UNC45B: variants seen among roughly 807,000 people sequenced by gnomAD.
UNC45B encodes protein unc-45 homolog B.
A neutral mutation model predicts 98.7 loss-of-function variants in UNC45B; 78 were observed. That is an observed-to-expected ratio of 0.79 (90% CI 0.66 to 0.95). The LOEUF (loss-of-function observed/expected upper bound fraction) is 0.95. Ranked by LOEUF, UNC45B falls within the 40% of genes least tolerant of loss-of-function variation. UNC45B has a pLI of 0.00. For missense variants in UNC45B, 1,225 were observed against 1,184.9 expected, an observed-to-expected ratio of 1.03 and a Z score of -0.50; for synonymous variants, 462 against 480.4, an observed-to-expected ratio of 0.96 and a Z score of 0.50.
intron 14 of UNC45B, among the ~76,000 whole-genome samples, chr17:35,175,060 G>GAAGAAAGA (rs55847819): frequency 0.013 from 1,422 of 110,122 alleles, 32 homozygotes; most frequent in African/African-American, 0.035. Flanking sequence ...AGAAAGGAAA[G>GAAGAAAGA]AAGAAAGAAA....
chr17:35,170,370 A>ACCAATCATGTTTAT, intron 12 of UNC45B, 115 bp downstream of exon 12: 1 of 1,259,242 alleles, frequency 7.9e-7, no homozygotes, highest in Non-Finnish European at 1.0e-6. Flanking sequence ...CCCCTGTATA[A>ACCAATCATGTTTAT]ACATGATTGG....
chr17:35,166,086 T>TAA (rs55844448), intron 9 of UNC45B, among the ~76,000 whole-genome samples: 723 of 58,094 alleles, frequency 0.012, 18 homozygotes, highest in East Asian at 0.12. Context: ...CCCTCATCTC[T>TAA]AAAAAAAAAA....
chr17:35,184,993 C>T (rs1326593339), intron 19 of UNC45B, among the ~76,000 whole-genome samples: 1 of 152,148 alleles, frequency 6.6e-6, no homozygotes, highest in Admixed American at 6.5e-5. Flanking sequence ...CTTTGACCTT[C>T]GGTGACTCAT....
intron 13 of UNC45B, among the ~76,000 whole-genome samples, chr17:35,173,324 C>T (rs559772042): frequency 6.6e-6 from 1 of 152,014 alleles, no homozygotes; most frequent in Non-Finnish European, 1.5e-5. Context: ...CGGGGTTTCG[C>T]CATGTTGCCC....
At chr17:35,166,086 T>TAAAAAAAAAAAAAAAAAAAA (rs55844448) in intron 9 of UNC45B, among the ~76,000 whole-genome samples, 66 of 58,108 alleles carry the variant, frequency 1.1e-3, no homozygotes, top group African/African-American at 4.3e-3. Context: ...CCCTCATCTC[T>TAAAAAAAAAAAAAAAAAAAA]AAAAAAAAAA....
chr17:35,165,039 T>G (rs970806890), intron 9 of UNC45B, among the ~76,000 whole-genome samples: 4 of 152,124 alleles, frequency 2.6e-5, no homozygotes, highest in African/African-American at 9.7e-5. Flanking sequence ...CACGCCTGGC[T>G]AATTTTTGTA....
At chr17:35,163,598 G>A (rs1427063796) in intron 8 of UNC45B, among the ~76,000 whole-genome samples, 2 of 152,146 alleles carry the variant, frequency 1.3e-5, no homozygotes, top group Admixed American at 6.5e-5. Flanking sequence ...ATCTCATTGA[G>A]CCCTCAAACT....
At chr17:35,180,781 G>A (rs1406652334) in intron 18 of UNC45B, 105 bp downstream of exon 18, 2 of 766,948 alleles carry the variant, frequency 2.6e-6, no homozygotes, top group Non-Finnish European at 4.3e-6. Context: ...ATGGCATTAA[G>A]GTAGCATTTT....
intron 17 of UNC45B, among the ~76,000 whole-genome samples, chr17:35,177,824 CCTTTT>C (rs886653781): frequency 1.3e-5 from 2 of 150,694 alleles, no homozygotes; most frequent in South Asian, 2.1e-4. Context: ...TTTTTTCTTT[CCTTTT>C]CTTTTCTTTT....
chr17:35,186,400 T>C lies in UNC45B; in HGVS notation c.2631T>C (p.Asp877=), dbSNP rs758159080. ...LVIAYNLLAA[D]AELAKKLVES... is the part of the protein sequence containing the mutation. ...TTGCCTACAACCTACTGGCAGCCGATGCTGAGCTGGCCAAGAAGCTGGTGG... is the reference window on the plus strand; with the variant it reads ...TTGCCTACAACCTACTGGCAGCCGACGCTGAGCTGGCCAAGAAGCTGGTGG... Residue 877 remains aspartate, a synonymous_variant, in exon 20 of 20, where the codon GAT becomes GAC. Coordinates refer to ENST00000394570, the MANE Select transcript of UNC45B (RefSeq NM_001267052.2). 5 of 1,614,186 alleles carry C rather than the reference T, an allele frequency of 3.1e-6. No homozygotes were observed. Among genetic ancestry groups the C allele is most frequent in the East Asian group, 2.2e-5 (1 of 44,882 alleles).
intron 4 of UNC45B, 28 bp downstream of exon 4, chr17:35,150,251 T>G (rs1044213398): frequency 6.3e-7 from 1 of 1,588,450 alleles, no homozygotes; most frequent in African/African-American, 1.3e-5. Context: ...CCACAACCCT[T>G]GGCTGCCCAG....
In UNC45B at chr17:35,186,643, T is replaced by A; in HGVS notation, c.*84T>A. On this transcript the variant is annotated 3_prime_UTR_variant, in exon 20 of 20. Transcript: ENST00000394570. ...TGGGTTCTCCTGAAGAGTCAGGTCA[T>A]CTAGGGATCATAGCAGTGACAATGA... The A allele has an allele frequency of 1.3e-6, 2 of 1,483,274 alleles. No homozygotes were observed. Among genetic ancestry groups the A allele is most frequent in the Non-Finnish European group, 1.8e-6 (2 of 1,085,286 alleles). 91.9% of individuals were successfully genotyped at this position (1,483,274 alleles called of 1,614,324 possible).
intron 9 of UNC45B, 126 bp from the exon 10 acceptor site, chr17:35,167,935 C>A: frequency 1.2e-6 from 1 of 866,502 alleles, no homozygotes; most frequent in Non-Finnish European, 1.6e-6. Flanking sequence ...CGCTGAATTG[C>A]CCAATATCAC....
Position 35,176,002 on chromosome 17 carries a change from C to A in UNC45B, c.1993C>A (p.Arg665=), listed in dbSNP as rs145332741. The change falls in exon 15 of 20, where the codon CGA becomes AGA. Residue 665 remains arginine, a synonymous_variant. Coordinates refer to ENST00000394570, the MANE Select transcript of UNC45B (RefSeq NM_001267052.2). ...FLALCDNPKD[R]GTIVAQGGGK... Reference sequence around the variant, plus strand: ...GGCACTGTGTGACAACCCAAAGGACCGAGGCACCATTGTGGCTCAAGGTGG... The same window carrying A: ...GGCACTGTGTGACAACCCAAAGGACAGAGGCACCATTGTGGCTCAAGGTGG... The A allele has an allele frequency of 1.3e-5, 21 of 1,614,088 alleles. No homozygotes were observed. Among genetic ancestry groups the A allele is most frequent in the Non-Finnish European group, 1.7e-5 (20 of 1,180,012 alleles).
In UNC45B at chr17:35,187,966, T is replaced by G. The variant is rs973870612; in HGVS notation, c.*1407T>G. 1 of 152,230 alleles carries G rather than the reference T, an allele frequency of 6.6e-6. No individual in the cohort carries two copies. Among genetic ancestry groups the G allele is most frequent in the Non-Finnish European group, 1.5e-5 (1 of 68,052 alleles). 9.4% of individuals were successfully genotyped at this position (152,230 alleles called of 1,614,324 possible). Reference sequence around the variant, plus strand: ...AAAAACAATTTACAACGTTCCGTTGTGTAATAAATGTAAGTGTACATATGC... The same window carrying G: ...AAAAACAATTTACAACGTTCCGTTGGGTAATAAATGTAAGTGTACATATGC... On this transcript the variant is annotated 3_prime_UTR_variant, in exon 20 of 20. Coordinates refer to ENST00000394570, the MANE Select transcript of UNC45B (RefSeq NM_001267052.2).
At chr17:35,177,190 C>A in intron 16 of UNC45B, 60 bp downstream of exon 16, 2 of 1,473,790 alleles carry the variant, frequency 1.4e-6, no homozygotes, top group South Asian at 2.3e-5. Flanking sequence ...TCCTAGAGGC[C>A]TTTCCCCTTG....
chr17:35,174,337 C>G lies in UNC45B; in HGVS notation c.1926C>G (p.Ile642Met), dbSNP rs781749893. Residue 642 changes from isoleucine (I) to methionine (M), a missense_variant, in exon 14 of 20, where the codon ATC becomes ATG. Ile to Met is a conservative substitution (Grantham distance 10, BLOSUM62 1). Coordinates refer to ENST00000394570, the MANE Select transcript of UNC45B (RefSeq NM_001267052.2). The part of the protein sequence containing the change: ...LACMVKADSA[I>M]LTDQTKELLA... ...GCATGGTGAAAGCAGATAGTGCCAT[C>G]CTCACTGACCAGACCAAGGAGCTGC... The G allele has an allele frequency of 6.2e-7, 1 of 1,614,160 alleles. No individual in the cohort carries two copies. The highest frequency in any genetic ancestry group is 2.2e-5 in the East Asian group (1 of 44,868).
chr17:35,171,485 A>G, intron 13 of UNC45B, 23 bp downstream of exon 13: 1 of 1,612,416 alleles, frequency 6.2e-7, no homozygotes. Context: ...GCGACCCGGG[A>G]GGGGTCTGGT....
At chr17:35,170,401 C>T in intron 12 of UNC45B, 146 bp downstream of exon 12, 1 of 1,019,502 alleles carries the variant, frequency 9.8e-7, no homozygotes, top group South Asian at 2.5e-5. Context: ...CTTTCTGGCC[C>T]TCATTTTACC....
Sources: allele counts gnomAD v4.1 joint callset (sites outside exome capture counted in the v4.1 genomes callset), GRCh38; gene constraint gnomAD v4.1.1; transcripts MANE v1.5; gene names NCBI Gene and HGNC (gene_info 2026-07-23, HGNC 2026-07-21).